The following ZC3H13 variants were observed in gnomAD, a reference collection of about 807,000 sequenced individuals.
ZC3H13 encodes zinc finger CCCH-type containing 13, also known as zinc finger CCCH domain-containing protein 13.
A neutral mutation model predicts 204.1 loss-of-function variants in ZC3H13; 64 were observed. That is an observed-to-expected ratio of 0.31 (90% CI 0.26 to 0.39). The LOEUF is 0.39. Among genes scored for constraint, ZC3H13 ranks in the 10% least tolerant of loss-of-function variants. ZC3H13 has a pLI of 1.00. For missense variants in ZC3H13, 1,833 were observed against 2,082.7 expected (o/e 0.88, Z 2.33); for synonymous variants, 667 against 693.7 (o/e 0.96, Z 0.60).
At chr13:45,968,366 C>G (rs762420654) in intron 14 of ZC3H13, among the ~76,000 whole-genome samples, 1 of 152,066 alleles carries the variant, frequency 6.6e-6, no homozygotes, top group African/African-American at 2.4e-5. Context: ...ACTAATCACT[C>G]CATTATTTGA....
intron 1 of ZC3H13, among the ~76,000 whole-genome samples, chr13:46,046,663 A>G (rs1054123629): frequency 3.1e-5 from 2 of 65,502 alleles, no homozygotes; most frequent in East Asian, 4.8e-4. Flanking sequence ...GCGAGACTCC[A>G]TCTCAAAAAA....
At chr13:46,004,094 T>C (rs1008568870) in intron 7 of ZC3H13, among the ~76,000 whole-genome samples, 2 of 152,158 alleles carry the variant, frequency 1.3e-5, no homozygotes, top group African/African-American at 4.8e-5. Flanking sequence ...AAATCATATA[T>C]ATATATAGTC....
intron 7 of ZC3H13, among the ~76,000 whole-genome samples, chr13:46,005,352 C>T (rs1323885067): frequency 6.6e-6 from 1 of 152,208 alleles, no homozygotes; most frequent in African/African-American, 2.4e-5. Context: ...GATCTCTCCT[C>T]CATGTTAGAT....
intron 1 of ZC3H13, 72 bp from the exon 2 acceptor site, chr13:46,045,588 A>C (rs1202744829): frequency 9.7e-7 from 1 of 1,032,000 alleles, no homozygotes; most frequent in Non-Finnish European, 1.5e-6. Context: ...ACAGCTTACA[A>C]GTAGATAAAA....
At chr13:45,995,080 T>C (rs1304443028) in intron 8 of ZC3H13, among the ~76,000 whole-genome samples, 2 of 151,964 alleles carry the variant, frequency 1.3e-5, no homozygotes, top group Non-Finnish European at 2.9e-5. Context: ...ATTTTGACAG[T>C]GCAGGTAGAG....
Position 45,995,945 on chromosome 13 carries a change from T to C in ZC3H13, c.945-6848A>G, listed in dbSNP as rs1593589944. Reference sequence around the variant, plus strand: ...TGATTGTGTTTTTAGTTAGCTATGCTCTGAGTACTATTTTTTCATTTGACC... The same window carrying C: ...TGATTGTGTTTTTAGTTAGCTATGCCCTGAGTACTATTTTTTCATTTGACC... On this transcript the variant is annotated intron_variant, in intron 8 of 18. Transcript: ENST00000679008. 2.0e-5 allele frequency among the ~76,000 whole-genome samples: 3 copies of C among 152,370 alleles called. No homozygotes were observed. The East Asian group carries it at 5.8e-4, about 29-fold the overall frequency.
intron 5 of ZC3H13, among the ~76,000 whole-genome samples, chr13:46,012,139 CT>C (rs558848969): frequency 5.3e-4 from 81 of 152,288 alleles, no homozygotes; most frequent in Non-Finnish European, 6.8e-4. Flanking sequence ...GTGATTTGTA[CT>C]ATTTCCTTAG....
intron 10 of ZC3H13, among the ~76,000 whole-genome samples, chr13:45,980,704 A>ACAATTTACGAGACAATTC (rs1953499750): frequency 6.6e-6 from 1 of 152,204 alleles, no homozygotes; most frequent in African/African-American, 2.4e-5. Context: ...CATTTACGAG[A>ACAATTTACGAGACAATTC]CAATTACAAA....
chr13:45,999,337 C>T (rs1262116996), intron 8 of ZC3H13, among the ~76,000 whole-genome samples: 2 of 152,212 alleles, frequency 1.3e-5, no homozygotes, highest in African/African-American at 4.8e-5. Flanking sequence ...TGGACTCAAT[C>T]CTCTCAAACC....
At chr13:45,970,019 C>T in intron 13 of ZC3H13, 48 bp from the exon 14 acceptor site, 2 of 1,543,994 alleles carry the variant, frequency 1.3e-6, no homozygotes, top group Non-Finnish European at 1.7e-6. Flanking sequence ...TTAGTAACCA[C>T]TGCATGGTAC....
At chr13:45,976,811 T>C (rs766992832) in intron 11 of ZC3H13, among the ~76,000 whole-genome samples, 2 of 152,178 alleles carry the variant, frequency 1.3e-5, no homozygotes, top group African/African-American at 2.4e-5. Context: ...TATCTACTGG[T>C]TTTTGATAAA....
At chr13:45,963,770 G>A in intron 17 of ZC3H13, 72 bp downstream of exon 17, 1 of 1,600,002 alleles carries the variant, frequency 6.2e-7, no homozygotes, top group Admixed American at 1.7e-5. Flanking sequence ...CATAAGAACA[G>A]ATCAGAATCC....
Position 45,956,977 on chromosome 13 carries a change from C to T in ZC3H13, c.*150G>A. 1.5e-6 allele frequency: 1 copy of T among 681,440 alleles called. No homozygotes were observed. Among genetic ancestry groups the T allele is most frequent in the Non-Finnish European group, 2.1e-6 (1 of 478,974 alleles). The allele number at this position is 681,440 out of a possible 1,614,324, so 42.2% of individuals were successfully genotyped here. On this transcript the variant is annotated 3_prime_UTR_variant, in exon 19 of 19. Coordinates refer to ENST00000679008, the MANE Select transcript of ZC3H13 (RefSeq NM_001330564.2). ...ATCTTAAGTTGGCCAAAACTAGTGTCTCTAAAGATCAAAATTCTTCACTCT... is the reference window on the plus strand; with the variant it reads ...ATCTTAAGTTGGCCAAAACTAGTGTTTCTAAAGATCAAAATTCTTCACTCT...
At chr13:45,983,183 T>C (rs952622193) in intron 10 of ZC3H13, among the ~76,000 whole-genome samples, 15 of 151,646 alleles carry the variant, frequency 9.9e-5, no homozygotes, top group Non-Finnish European at 1.9e-4. Context: ...AGAACACTTA[T>C]AAAAACAGAC....
chr13:46,003,188 C>T lies in ZC3H13; in HGVS notation c.895G>A (p.Asp299Asn), dbSNP rs776635607. 1 of 1,612,910 alleles carries T rather than the reference C, an allele frequency of 6.2e-7. No homozygotes were observed. The highest frequency in any genetic ancestry group is 1.1e-5 in the South Asian group (1 of 90,790). ...TGTCGTTCAAAATCTCGTCCTCTGT[C>T]CTTTCCATCTCTTGTTTTTTCTTCT... The part of the protein sequence containing the change: ...RIEEKTRDGK[D>N]RGRDFERQRE... Residue 299 changes from aspartate (D) to asparagine (N), a missense_variant, in exon 8 of 19, where the codon GAC becomes AAC. By Grantham distance (23) the Asp-to-Asn change is conservative. This residue lies in a region of ZC3H13 where 1,574 missense variants were observed against 1,757.2 expected (regional missense o/e 0.90). Transcript: ENST00000679008.
At chr13:45,981,451 G>T (rs2138120429) in intron 10 of ZC3H13, among the ~76,000 whole-genome samples, 1 of 152,202 alleles carries the variant, frequency 6.6e-6, no homozygotes, top group East Asian at 1.9e-4. Flanking sequence ...ACATACGTGT[G>T]CATGTGTCTT....
At chr13:46,011,206 T>C (rs1179296572) in intron 6 of ZC3H13, among the ~76,000 whole-genome samples, 1 of 152,160 alleles carries the variant, frequency 6.6e-6, no homozygotes, top group Admixed American at 6.5e-5. Context: ...TTAGCTTTGC[T>C]CACCTATTCA....
At chr13:46,010,914 A>T (rs1418669091) in intron 6 of ZC3H13, among the ~76,000 whole-genome samples, 1 of 152,046 alleles carries the variant, frequency 6.6e-6, no homozygotes, top group Non-Finnish European at 1.5e-5. Flanking sequence ...AAATAAAAAT[A>T]ATAAAATTAT....
intron 16 of ZC3H13, among the ~76,000 whole-genome samples, chr13:45,964,887 T>C (rs1372227812): frequency 6.6e-6 from 1 of 152,232 alleles, no homozygotes; most frequent in Non-Finnish European, 1.5e-5. Context: ...TCAACTACTG[T>C]AAATTTTTGA....
Sources: allele counts gnomAD v4.1 joint callset (sites outside exome capture counted in the v4.1 genomes callset), GRCh38; gene constraint gnomAD v4.1.1; regional missense constraint gnomAD v4.1.1; transcripts MANE v1.5; gene names NCBI Gene and HGNC (gene_info 2026-07-23, HGNC 2026-07-21).